The following CLPX variants were observed in gnomAD, a reference collection of about 807,000 sequenced individuals.
The protein encoded by CLPX is caseinolytic mitochondrial matrix peptidase chaperone subunit X.
CLPX carries 34 observed loss-of-function variants against 76.4 expected under a neutral mutation model. That is an observed-to-expected ratio of 0.45 (90% CI 0.34 to 0.59). CLPX has a LOEUF of 0.59. CLPX is among the 20% of genes least tolerant of loss of function. The pLI is 0.01. For synonymous variants in CLPX, 248 were observed against 270.9 expected (o/e 0.92, Z 0.83); for missense variants, 613 against 757.0 (o/e 0.81, Z 2.23).
intron 3 of CLPX, among the ~76,000 whole-genome samples, chr15:65,175,524 C>CA (rs2088078664): frequency 6.6e-6 from 1 of 151,940 alleles, no homozygotes; most frequent in South Asian, 2.1e-4. Context: ...AAAAAACAAA[C>CA]AAAAAAACAG....
intron 3 of CLPX, among the ~76,000 whole-genome samples, chr15:65,169,399 G>A (rs2087966952): frequency 6.6e-6 from 1 of 152,170 alleles, no homozygotes; most frequent in South Asian, 2.1e-4. Flanking sequence ...ACTGAGGCCA[G>A]CCTACTCTTT....
chr15:65,178,252 G>A (rs1450907933), intron 3 of CLPX, among the ~76,000 whole-genome samples: 1 of 152,202 alleles, frequency 6.6e-6, no homozygotes, highest in Admixed American at 6.5e-5. Flanking sequence ...TGTATTTGAA[G>A]AAAGTAGTAA....
intron 3 of CLPX, among the ~76,000 whole-genome samples, chr15:65,172,118 C>T (rs1031304627): frequency 2.3e-4 from 35 of 152,142 alleles, no homozygotes; most frequent in African/African-American, 8.4e-4. Context: ...CATGCGCCAC[C>T]ACACCCAGCT....
intron 6 of CLPX, among the ~76,000 whole-genome samples, chr15:65,161,687 TA>T (rs1395923906): frequency 2.0e-5 from 3 of 152,338 alleles, no homozygotes; most frequent in South Asian, 2.1e-4. Context: ...TATCTGAATA[TA>T]TTTTTTTATT....
Position 65,153,651 on chromosome 15 carries a change from T to C in CLPX, c.1612-12A>G. On this transcript the variant is annotated splice_polypyrimidine_tract_variant and intron_variant, in intron 11 of 13. Transcript: ENST00000300107. ...ACATTCAGTTCACACTACAAATACA[T>C]TAAAAATAAATTATAACTTTTATTG... 1.4e-6 allele frequency: 2 copies of C among 1,414,918 alleles called. No individual in the cohort carries two copies. Among genetic ancestry groups the C allele is most frequent in the Non-Finnish European group, 1.9e-6 (2 of 1,038,654 alleles). 87.6% of individuals were successfully genotyped at this position (1,414,918 alleles called of 1,614,324 possible).
Position 65,180,139 on chromosome 15 carries a change from G to A in CLPX, c.145C>T (p.Leu49=), listed in dbSNP as rs772160949. The A allele has an allele frequency of 6.2e-7, 1 of 1,612,632 alleles. No homozygotes were observed. Among genetic ancestry groups the A allele is most frequent in the Non-Finnish European group, 8.5e-7 (1 of 1,179,070 alleles). The stretch of plus-strand genomic sequence containing the variant: ...AAGGATCTAAGAGGAGCTCTTTGCA[G>A]AATCTGAGTTTCAAATGTCCCAAGC... ...GRLGTFETQI[L]QRAPLRSFTE... Residue 49 remains leucine (L), a synonymous_variant, in exon 2 of 14, where the codon CTG becomes TTG. Transcript: ENST00000300107.
At chr15:65,177,879 C>T (rs2088110241) in intron 3 of CLPX, among the ~76,000 whole-genome samples, 1 of 152,054 alleles carries the variant, frequency 6.6e-6, no homozygotes, top group Non-Finnish European at 1.5e-5. Context: ...CTCGCTGCTG[C>T]CTCACCTCCC....
intron 3 of CLPX, among the ~76,000 whole-genome samples, chr15:65,170,189 C>A (rs1336883159): frequency 1.3e-5 from 2 of 152,260 alleles, no homozygotes; most frequent in South Asian, 2.1e-4. Context: ...CCTAACCCTA[C>A]TAATGGTAAC....
intron 1 of CLPX, among the ~76,000 whole-genome samples, chr15:65,183,515 G>T (rs2088209317): frequency 7.1e-6 from 1 of 140,994 alleles, no homozygotes; most frequent in African/African-American, 2.6e-5. Context: ...AAGACAGATA[G>T]TAGATGGAAA....
At chr15:65,152,645 CA>C (rs2087737067) in intron 12 of CLPX, 109 bp from the exon 13 acceptor site, 9 of 286,910 alleles carry the variant, frequency 3.1e-5, no homozygotes, top group Non-Finnish European at 4.3e-5. Context: ...AAGAAACAAA[CA>C]AAACAAATAT....
At chr15:65,173,477 G>GA (rs1477145523) in intron 3 of CLPX, among the ~76,000 whole-genome samples, 1 of 151,914 alleles carries the variant, frequency 6.6e-6, no homozygotes, top group East Asian at 1.9e-4. Flanking sequence ...AGCTGCTATG[G>GA]AAAACAGTTT....
chr15:65,179,805 C>T (rs1454890792), intron 2 of CLPX, among the ~76,000 whole-genome samples: 16 of 152,160 alleles, frequency 1.1e-4, no homozygotes, highest in Admixed American at 1.0e-3. Context: ...CATTTAATGA[C>T]ACTTCTTTAC....
Position 65,152,428 on chromosome 15 carries a change from A to G in CLPX, c.1811+2T>C. 6.8e-7 allele frequency: 1 copy of G among 1,461,044 alleles called. No individual in the cohort carries two copies. Among genetic ancestry groups the G allele is most frequent in the Non-Finnish European group, 9.2e-7 (1 of 1,084,486 alleles). The allele number at this position is 1,461,044 out of a possible 1,614,324, so 90.5% of individuals were successfully genotyped here. A position where few individuals can be genotyped will look rare whatever the true frequency, so the allele number is the denominator to read the frequency against. On this transcript the variant is annotated splice_donor_variant, in intron 13 of 13. Transcript: ENST00000300107. LOFTEE classifies it high-confidence loss of function. The stretch of plus-strand genomic sequence containing the variant: ...CTGTTCTGGCTTGAAAATACACTTT[A>G]CCGGATGTATCCTGGTTCCTTTTTT...
At chr15:65,171,289 A>T (rs2088002341) in intron 3 of CLPX, among the ~76,000 whole-genome samples, 1 of 152,040 alleles carries the variant, frequency 6.6e-6, no homozygotes, top group South Asian at 2.1e-4. Flanking sequence ...ATTACTAAAA[A>T]TATACAAATT....
intron 1 of CLPX, among the ~76,000 whole-genome samples, chr15:65,180,735 C>G (rs1420972073): frequency 1.3e-5 from 2 of 151,710 alleles, no homozygotes; most frequent in Non-Finnish European, 2.9e-5. Flanking sequence ...AACCCCGTCT[C>G]TACTAAAAAT....
chr15:65,176,858 G>A (rs959903721), intron 3 of CLPX, among the ~76,000 whole-genome samples: 7 of 151,562 alleles, frequency 4.6e-5, no homozygotes, highest in Non-Finnish European at 8.8e-5. Context: ...GCCTCCCATA[G>A]TGCTGGGATT....
chr15:65,172,864 GA>G (rs1485219039), intron 3 of CLPX, among the ~76,000 whole-genome samples: 3 of 151,380 alleles, frequency 2.0e-5, no homozygotes, highest in African/African-American at 7.3e-5. Flanking sequence ...ACATAAATGA[GA>G]CCCTGTCTCT....
At chr15:65,173,706 T>G (rs577943131) in intron 3 of CLPX, among the ~76,000 whole-genome samples, 1 of 152,136 alleles carries the variant, frequency 6.6e-6, no homozygotes, top group Non-Finnish European at 1.5e-5. Context: ...TAAAAAGCAA[T>G]GAAATACTGA....
At chr15:65,164,839 T>G (rs996809606) in intron 4 of CLPX, among the ~76,000 whole-genome samples, 4 of 152,076 alleles carry the variant, frequency 2.6e-5, no homozygotes, top group Admixed American at 6.6e-5. Flanking sequence ...GGTCTTGAAC[T>G]CCTGGGGCTC....
Sources: gnomAD v4.1 joint callset for allele counts (sites outside exome capture counted in the v4.1 genomes callset) on GRCh38, gnomAD v4.1.1 for gene constraint, MANE v1.5 for transcripts, NCBI Gene and HGNC (gene_info 2026-07-23, HGNC 2026-07-21) for gene names.